The following USP8 variants were observed in gnomAD, a reference collection of about 807,000 sequenced individuals.
USP8 encodes the protein ubiquitin specific peptidase 8.
USP8 carries 27 observed loss-of-function variants against 130.0 expected under a neutral mutation model. The ratio of observed to expected loss-of-function variants is 0.21; its 90% CI spans 0.15 to 0.29. The LOEUF (loss-of-function observed/expected upper bound fraction) is 0.29. Ranked by LOEUF, USP8 falls within the 10% of genes least tolerant of loss-of-function variation. USP8 has a pLI of 1.00. For synonymous variants in USP8, 392 were observed against 444.1 expected, an observed-to-expected ratio of 0.88 and a Z score of 1.48; for missense variants, 1,029 against 1,312.2, an observed-to-expected ratio of 0.78 and a Z score of 3.33.
chr15:50,458,139 A>T (rs1482069050), intron 4 of USP8, among the ~76,000 whole-genome samples: 1 of 152,070 alleles, frequency 6.6e-6, no homozygotes, highest in Non-Finnish European at 1.5e-5. Context: ...AATAGCAAAC[A>T]TTGCCATTCG....
chr15:50,441,969 C>CTTTTTTT (rs1011150634), intron 3 of USP8, among the ~76,000 whole-genome samples: 5 of 81,424 alleles, frequency 6.1e-5, no homozygotes, highest in Non-Finnish European at 8.9e-5. Flanking sequence ...CTCCCTAAAT[C>CTTTTTTT]TTTTTTTTTT....
At position 50,489,891 on chromosome 15, in the gene USP8, A is replaced by C; in HGVS notation, c.1971+10A>C. 1 of 1,559,268 alleles carries C rather than the reference A, an allele frequency of 6.4e-7. No individual in the cohort carries two copies. Among genetic ancestry groups the C allele is most frequent in the Non-Finnish European group, 8.6e-7 (1 of 1,158,400 alleles). On this transcript the variant is annotated intron_variant, in intron 13 of 19. Coordinates refer to ENST00000307179, the MANE Select transcript of USP8 (RefSeq NM_005154.5). Reference sequence around the variant, plus strand: ...TTCAGGCTGGGCCAAGGTAAAAGTCAGAATTAGCAGTAAAATAGCCACTGT... The same window carrying C: ...TTCAGGCTGGGCCAAGGTAAAAGTCCGAATTAGCAGTAAAATAGCCACTGT...
chr15:50,438,054 A>G (rs1281129687), intron 1 of USP8, among the ~76,000 whole-genome samples: 1 of 152,232 alleles, frequency 6.6e-6, no homozygotes. Flanking sequence ...ACAGTGGACT[A>G]ATGTGCACAG....
rs2052646109 is a variant in USP8, at chr15:50,505,465, CTG to C, written c.*6378_*6379del. On this transcript the variant is annotated 3_prime_UTR_variant, in exon 20 of 20. Coordinates refer to ENST00000307179, the MANE Select transcript of USP8 (RefSeq NM_005154.5). ...AAGTGAATTAAAGACTTCTCAAAGA[CTG>C]AGAGACTTCAGGATAACAGACCCTC... The C allele has an allele frequency of 2.0e-5, 3 of 152,156 alleles. No individual in the cohort carries two copies. The highest frequency in any genetic ancestry group is 4.1e-4 in the South Asian group (2 of 4,830). 9.4% of individuals were successfully genotyped at this position (152,156 alleles called of 1,614,324 possible).
rs2141317373 is a variant in USP8, at chr15:50,490,315, C to T, written c.2024C>T (p.Thr675Ile). The T allele has an allele frequency of 6.2e-7, 1 of 1,613,812 alleles. No homozygotes were observed. The highest frequency in any genetic ancestry group is 8.5e-7 in the Non-Finnish European group (1 of 1,179,950). ...CGTTATTATCATTCACCCACCAACA[C>T]TGTTCATATGTACCCACCGGAAATG... ...TFRYYHSPTN[T>I]VHMYPPEMAP... Residue 675 changes from threonine (T) to isoleucine (I), a missense_variant, in exon 14 of 20, where the codon ACT becomes ATT. This residue lies in a region of USP8 where 486 missense variants were observed against 522.0 expected (regional missense o/e 0.93). Transcript: ENST00000307179.
rs138813527 is a variant in USP8, at chr15:50,455,697, C to G, written c.336-3303C>G. Among the ~76,000 whole-genome samples, 970 of 152,246 alleles carry G rather than the reference C, an allele frequency of 6.4e-3. 14 individuals carry two copies. Among genetic ancestry groups the G allele is most frequent in the African/African-American group, 0.022 (934 of 41,546 alleles). ...TTGTTGTTGTTGTTGTTTTGTCCCACTAGGCAGTTAACTTGGCTATACTCA... is the reference window on the plus strand; with the variant it reads ...TTGTTGTTGTTGTTGTTTTGTCCCAGTAGGCAGTTAACTTGGCTATACTCA... On this transcript the variant is annotated intron_variant, in intron 4 of 19. Transcript: ENST00000307179.
At chr15:50,473,394 A>G (rs2051446617) in intron 8 of USP8, among the ~76,000 whole-genome samples, 1 of 152,202 alleles carries the variant, frequency 6.6e-6, no homozygotes, top group South Asian at 2.1e-4. Context: ...TTGTTATACC[A>G]TATTGTTTGG....
rs2052768442 is a variant in USP8 at position 50,513,599 on chromosome 15, C to T, written c.*14511C>T. On this transcript the variant is annotated 3_prime_UTR_variant, in exon 20 of 20. Transcript: ENST00000307179. Reference sequence around the variant, plus strand: ...ATGTACACTCAAGATTTAAAAAGAACTACAATTCCATAAGAAAAAGGCAGG... The same window carrying T: ...ATGTACACTCAAGATTTAAAAAGAATTACAATTCCATAAGAAAAAGGCAGG... The T allele has an allele frequency of 6.8e-6, 1 of 148,112 alleles. No individual in the cohort carries two copies. Among genetic ancestry groups the T allele is most frequent in the Non-Finnish European group, 1.5e-5 (1 of 67,028 alleles). 9.2% of individuals were successfully genotyped at this position (148,112 alleles called of 1,614,324 possible). A position where few individuals can be genotyped will look rare whatever the true frequency, so the allele number is the denominator to read the frequency against.
chr15:50,487,680 A>T (rs1358000551), intron 12 of USP8, among the ~76,000 whole-genome samples: 5 of 152,202 alleles, frequency 3.3e-5, no homozygotes, highest in Non-Finnish European at 7.3e-5. Context: ...GCTGTCTTAA[A>T]TCTCATACTG....
At chr15:50,481,228 CTT>C (rs925116407) in intron 10 of USP8, among the ~76,000 whole-genome samples, 4 of 152,124 alleles carry the variant, frequency 2.6e-5, no homozygotes, top group African/African-American at 7.2e-5. Flanking sequence ...ATTTTTAACT[CTT>C]TTGTATACAA....
chr15:50,434,114 GT>G (rs2050022664), intron 1 of USP8, among the ~76,000 whole-genome samples: 1 of 150,350 alleles, frequency 6.7e-6, no homozygotes, highest in South Asian at 2.1e-4. Context: ...TTTTTGTTTT[GT>G]TTTGTTTTGT....
At chr15:50,452,076 T>C (rs1315197545) in intron 4 of USP8, among the ~76,000 whole-genome samples, 1 of 152,216 alleles carries the variant, frequency 6.6e-6, no homozygotes, top group Non-Finnish European at 1.5e-5. Context: ...AGCCCCAGAT[T>C]CTGAAAAAAA....
intron 3 of USP8, chr15:50,444,423 G>A (rs8026653): frequency 6.6e-6 from 1 of 150,742 alleles, no homozygotes; most frequent in African/African-American, 2.4e-5. Context: ...TTTTTTAATG[G>A]TCTTGTTTAC....
In USP8 at chr15:50,441,472, A is replaced by G. The variant is rs778043652; in HGVS notation, c.228A>G (p.Arg76=). 1 of 1,576,358 alleles carries G rather than the reference A, an allele frequency of 6.3e-7. No individual in the cohort carries two copies. The highest frequency in any genetic ancestry group is 1.2e-5 in the South Asian group (1 of 83,802). ...CTGTTTATAATCTTATCAAAAAAAG[A>G]CCTGATTTCAAGCAACAGCAGGTAC... ...YVTVYNLIKK[R]PDFKQQQDYF... Residue 76 remains arginine, a synonymous_variant, in exon 3 of 20, where the codon AGA becomes AGG. Transcript: ENST00000307179.
At position 50,510,402 on chromosome 15, in the gene USP8, A is replaced by T. The variant is rs969640247; in HGVS notation, c.*11314A>T. The T allele has an allele frequency of 1.3e-5, 2 of 152,200 alleles. No homozygotes were observed. Among genetic ancestry groups the T allele is most frequent in the African/African-American group, 4.8e-5 (2 of 41,458 alleles). 9.4% of individuals were successfully genotyped at this position (152,200 alleles called of 1,614,324 possible). ...TTAAAACTTGATTGTCAGCAATTAC[A>T]ATAAGATACAACAACCAAATGCAGT... On this transcript the variant is annotated 3_prime_UTR_variant, in exon 20 of 20. Coordinates refer to ENST00000307179, the MANE Select transcript of USP8 (RefSeq NM_005154.5).
In USP8 at chr15:50,510,941, TA is replaced by T. The variant is rs1200925775; in HGVS notation, c.*11855del. Reference sequence around the variant, plus strand: ...ACAGGCGCCCGCCACCATGCCCGGCTAATTTTTTTTGTATTTTTAGTAGAGA... The same window carrying T: ...ACAGGCGCCCGCCACCATGCCCGGCTATTTTTTTTGTATTTTTAGTAGAGA... On this transcript the variant is annotated 3_prime_UTR_variant, in exon 20 of 20. Coordinates refer to ENST00000307179, the MANE Select transcript of USP8 (RefSeq NM_005154.5). The T allele has an allele frequency of 5.3e-5, 8 of 152,070 alleles. No individual in the cohort carries two copies. The highest frequency in any genetic ancestry group is 1.9e-4 in the African/African-American group (8 of 41,398). The allele number at this position is 152,070 out of a possible 1,614,324, so 9.4% of individuals were successfully genotyped here.
At chr15:50,451,073 A>C (rs1566849805) in intron 4 of USP8, among the ~76,000 whole-genome samples, 2 of 149,122 alleles carry the variant, frequency 1.3e-5, no homozygotes, top group Admixed American at 6.7e-5. Context: ...ACTGGCTTGA[A>C]TTTTTTTTTT....
intron 2 of USP8, 101 bp from the exon 3 acceptor site, chr15:50,441,248 T>G: frequency 1.7e-6 from 2 of 1,157,642 alleles, no homozygotes; most frequent in Non-Finnish European, 2.3e-6. Flanking sequence ...GGCCCTGGGG[T>G]TGGGGATCCC....
intron 3 of USP8, among the ~76,000 whole-genome samples, chr15:50,445,568 A>AAAAAAAAAAAT (rs1248390470): frequency 8.9e-6 from 1 of 112,788 alleles, no homozygotes; most frequent in Non-Finnish European, 1.8e-5. Context: ...AAAAAAAAAA[A>AAAAAAAAAAAT]AGCCTGGGCA....
Sources: gnomAD v4.1 joint callset for allele counts (sites outside exome capture counted in the v4.1 genomes callset) on GRCh38, gnomAD v4.1.1 for gene constraint, gnomAD v4.1.1 regional missense constraint, MANE v1.5 for transcripts, NCBI Gene and HGNC (gene_info 2026-07-23, HGNC 2026-07-21) for gene names.